The following CEP63 variants were observed in gnomAD, a reference collection of about 807,000 sequenced individuals.
CEP63 encodes centrosomal protein 63.
A neutral mutation model predicts 89.1 loss-of-function variants in CEP63; 84 were observed. The observed-to-expected ratio is 0.94, with a 90% CI of 0.79 to 1.13. CEP63 has a LOEUF of 1.13. CEP63 is among the 50% of genes most tolerant of loss of function. The pLI is 0.00. For synonymous variants in CEP63, 267 were observed against 272.5 expected, an observed-to-expected ratio of 0.98 and a Z score of 0.20; for missense variants, 838 against 813.3, an observed-to-expected ratio of 1.03 and a Z score of -0.37.
the CEP63 span, chr3:134,629,620 C>T: frequency 5.6e-6 from 9 of 1,595,598 alleles, no homozygotes; most frequent in Admixed American, 1.7e-5. Context: ...GTCATACATA[C>T]GTTTAGCCAA....
the CEP63 span, among the ~76,000 whole-genome samples, chr3:134,758,475 T>C: frequency 6.6e-6 from 1 of 152,178 alleles, no homozygotes; most frequent in African/African-American, 2.4e-5. Context: ...CTCTCACTGT[T>C]CTGCAGACTA....
the CEP63 span, among the ~76,000 whole-genome samples, chr3:134,689,754 C>A: frequency 6.6e-6 from 1 of 152,058 alleles, no homozygotes; most frequent in Non-Finnish European, 1.5e-5. Flanking sequence ...GTGCCAAGCC[C>A]CATATTATTT....
chr3:134,628,153 C>T, the CEP63 span: 2 of 305,532 alleles, frequency 6.5e-6, no homozygotes, highest in South Asian at 9.9e-5. Flanking sequence ...TTGGAGTTTC[C>T]TGCTTTCTTG....
chr3:134,709,754 A>G, the CEP63 span, among the ~76,000 whole-genome samples: 4 of 152,216 alleles, frequency 2.6e-5, no homozygotes, highest in Non-Finnish European at 5.9e-5. Flanking sequence ...GGAATGGTGG[A>G]AAGAATCCAG....
At chr3:134,699,750 C>G in the CEP63 span, among the ~76,000 whole-genome samples, 3 of 152,212 alleles carry the variant, frequency 2.0e-5, no homozygotes, top group Non-Finnish European at 4.4e-5. Flanking sequence ...GGATTTCTAT[C>G]TCCAACCTTG....
the CEP63 span, chr3:134,597,845 ATCTGT>A: frequency 1.3e-5 from 2 of 152,226 alleles, no homozygotes; most frequent in Non-Finnish European, 2.9e-5. Flanking sequence ...GTGTCTCAGC[ATCTGT>A]TCTCCTGGGA....
the CEP63 span, among the ~76,000 whole-genome samples, chr3:134,691,393 T>A: frequency 1.3e-5 from 2 of 149,542 alleles, no homozygotes; most frequent in Non-Finnish European, 3.0e-5. Context: ...GGTGGGCAGG[T>A]AGCTTGAGCC....
At chr3:134,668,768 ACTTTCCATTTTTCC>A in the CEP63 span, among the ~76,000 whole-genome samples, 2 of 151,280 alleles carry the variant, frequency 1.3e-5, no homozygotes, top group African/African-American at 2.4e-5. Context: ...TCCATTTTTC[ACTTTCCATTTTTCC>A]CTTGGATTGG....
At chr3:134,638,361 C>G in the CEP63 span, among the ~76,000 whole-genome samples, 2 of 152,224 alleles carry the variant, frequency 1.3e-5, no homozygotes, top group South Asian at 4.1e-4. Flanking sequence ...GAGTAAAATT[C>G]GCAGTCAGAT....
At chr3:134,521,060 GAT>G (rs1947328402) in intron 3 of CEP63, among the ~76,000 whole-genome samples, 2 of 151,908 alleles carry the variant, frequency 1.3e-5, no homozygotes, top group Non-Finnish European at 2.9e-5. Context: ...ACCAACAAAA[GAT>G]AAAGAACATC....
chr3:134,557,879 C>A (rs1304355170), intron 12 of CEP63, among the ~76,000 whole-genome samples: 1 of 152,142 alleles, frequency 6.6e-6, no homozygotes, highest in Non-Finnish European at 1.5e-5. Flanking sequence ...TTACAGCTTT[C>A]CTCCATCCTG....
chr3:134,671,740 CA>C, the CEP63 span, among the ~76,000 whole-genome samples: 1 of 152,176 alleles, frequency 6.6e-6, no homozygotes, highest in Non-Finnish European at 1.5e-5. Flanking sequence ...GCTTTCTACA[CA>C]GGGGTGGCAG....
At chr3:134,614,442 T>C in the CEP63 span, among the ~76,000 whole-genome samples, 2 of 152,012 alleles carry the variant, frequency 1.3e-5, no homozygotes, top group Non-Finnish European at 1.5e-5. Context: ...AGGAGCACCC[T>C]GGAGGATTTG....
chr3:134,715,687 G>A, the CEP63 span, among the ~76,000 whole-genome samples: 11 of 152,038 alleles, frequency 7.2e-5, no homozygotes, highest in Admixed American at 7.2e-4. Context: ...GCCCCAAAGG[G>A]GTCCTGGTAC....
intron 1 of CEP63, among the ~76,000 whole-genome samples, chr3:134,494,202 G>A (rs1004184279): frequency 6.6e-6 from 1 of 150,542 alleles, no homozygotes; most frequent in Non-Finnish European, 1.5e-5. Context: ...TGCAACCTCC[G>A]CCTCCCGACT....
At chr3:134,742,081 T>C in the CEP63 span, among the ~76,000 whole-genome samples, 2 of 152,108 alleles carry the variant, frequency 1.3e-5, no homozygotes, top group Non-Finnish European at 2.9e-5. Context: ...TATTCCTTAA[T>C]TGAGACAATA....
intron 3 of CEP63, among the ~76,000 whole-genome samples, chr3:134,523,922 G>T (rs1434208481): frequency 6.6e-6 from 1 of 152,060 alleles, no homozygotes; most frequent in Non-Finnish European, 1.5e-5. Flanking sequence ...CTAGTTCTGT[G>T]AAGAATGTCA....
intron 3 of CEP63, among the ~76,000 whole-genome samples, chr3:134,514,107 A>G (rs183014246): frequency 4.7e-4 from 72 of 152,338 alleles, no homozygotes; most frequent in African/African-American, 1.7e-3. Context: ...AACAATGTTT[A>G]TTGCATTCAA....
the CEP63 span, among the ~76,000 whole-genome samples, chr3:134,632,307 C>T: frequency 3.8e-4 from 58 of 152,064 alleles, no homozygotes; most frequent in South Asian, 1.0e-3. Flanking sequence ...AACAGCACAA[C>T]GCACATTCAT....
Sources: allele counts gnomAD v4.1 joint callset (sites outside exome capture counted in the v4.1 genomes callset), GRCh38; gene constraint gnomAD v4.1.1; transcripts MANE v1.5; gene names NCBI Gene and HGNC (gene_info 2026-07-23, HGNC 2026-07-21).